TTN: variants seen among roughly 807,000 people sequenced by gnomAD.
The protein encoded by TTN is titin.
A neutral mutation model predicts 3,223.0 loss-of-function variants in TTN; 1,525 were observed. The observed-to-expected ratio is 0.47, with a 90% confidence interval of 0.45 to 0.49. The LOEUF (loss-of-function observed/expected upper bound fraction) is 0.49. Ranked by LOEUF, TTN falls within the 20% of genes least tolerant of loss-of-function variation. TTN has a pLI of 0.00. For missense variants in TTN, 40,786 were observed against 43,424.0 expected, an observed-to-expected ratio of 0.94 and a Z score of 5.40; for synonymous variants, 14,094 against 15,161.0, an observed-to-expected ratio of 0.93 and a Z score of 5.17.
chr2:178,795,964 A>G (rs991316029), intron 6 of TTN, among the ~76,000 whole-genome samples: 1 of 152,192 alleles, frequency 6.6e-6, no homozygotes, highest in Admixed American at 6.5e-5. Flanking sequence ...CTTATTTTAA[A>G]TATCTTTAGA....
chr2:178,683,159 A>G (rs373920125), intron 134 of TTN, 52 bp downstream of exon 134: 108 of 1,288,024 alleles, frequency 8.4e-5, no homozygotes, highest in Admixed American at 7.9e-5. Context: ...ACTAGAAGGC[A>G]AAGAGCCAGA....
In TTN at chr2:178,782,367, C is replaced by T; in HGVS notation, c.3225G>A (p.Gly1075=). Residue 1075 remains glycine (G), a synonymous_variant, in exon 20 of 363, where the codon GGG becomes GGA. Coordinates refer to ENST00000589042, the MANE Select transcript of TTN (RefSeq NM_001267550.2). ...TDTSLTEEQA[G]PGEPAAPYFI... ...AGTAAGGCGCGGCAGGTTCTCCAGGCCCTGCTTGTTCCTCTGTGAGGCTAG... is the reference window on the plus strand; with the variant it reads ...AGTAAGGCGCGGCAGGTTCTCCAGGTCCTGCTTGTTCCTCTGTGAGGCTAG... 6.2e-7 allele frequency: 1 copy of T among 1,614,092 alleles called. No individual in the cohort carries two copies. The highest frequency in any genetic ancestry group is 8.5e-7 in the Non-Finnish European group (1 of 1,179,988).
intron 60 of TTN, 58 bp from the exon 61 acceptor site, chr2:178,730,850 G>GTT (rs35147775): frequency 4.0e-4 from 497 of 1,253,832 alleles, no homozygotes; most frequent in South Asian, 3.4e-3. Context: ...ATTTGTTTTT[G>GTT]TTTTTTTTTT....
At position 178,679,624 on chromosome 2, in the gene TTN, C is replaced by T. The variant is rs2154269837; in HGVS notation, c.33639G>A (p.Lys11213=). The T allele has an allele frequency of 6.2e-7, 1 of 1,611,796 alleles. No homozygotes were observed. Among genetic ancestry groups the T allele is most frequent in the South Asian group, 1.1e-5 (1 of 90,596 alleles). Residue 11213 remains lysine, a synonymous_variant, in exon 141 of 363, where the codon AAG becomes AAA. Coordinates refer to ENST00000589042, the MANE Select transcript of TTN (RefSeq NM_001267550.2). ...PEEKKPVPVP[K]KKEAPPAKVP... ...CTTTTGCCGGTGGAGCTTCCTTCTT[C>T]TTGGGAACAGGAACAGGTTTCTTCT...
At chr2:178,693,570 T>G in intron 119 of TTN, 39 bp downstream of exon 119, 2 of 1,405,830 alleles carry the variant, frequency 1.4e-6, no homozygotes, top group East Asian at 2.4e-5. Context: ...GTACTAATTT[T>G]TATTAAAAGA....
intron 219 of TTN, 145 bp from the exon 220 acceptor site, chr2:178,641,460 G>A (rs954900906): frequency 8.2e-6 from 4 of 488,470 alleles, no homozygotes; most frequent in Non-Finnish European, 1.4e-5. Flanking sequence ...CATTTACACC[G>A]AAAGTGTTTT....
intron 41 of TTN, among the ~76,000 whole-genome samples, chr2:178,765,596 G>A (rs565988991): frequency 6.6e-6 from 1 of 152,308 alleles, no homozygotes; most frequent in East Asian, 1.9e-4. Flanking sequence ...CCTAGGGAAT[G>A]CTGGCGATAT....
In TTN at chr2:178,534,542, C is replaced by A; in HGVS notation, c.102073G>T (p.Glu34025Ter). 1 of 1,613,818 alleles carries A rather than the reference C, an allele frequency of 6.2e-7. No homozygotes were observed. The highest frequency in any genetic ancestry group is 1.1e-5 in the South Asian group (1 of 91,030). The part of the protein sequence containing the change: ...FLAETNQQII[E>*]NIMNAEYTFD... ...GTATATTCAGCATTCATGATATTCT[C>A]AATGATCTGTTGGTTAGTTTCAGCC... is the stretch of plus-strand genomic sequence containing the variant. The change falls in exon 358 of 363, where the codon GAG becomes TAG. Residue 34025 changes from glutamate to a stop codon, truncating the protein, a stop_gained. Coordinates refer to ENST00000589042, the MANE Select transcript of TTN (RefSeq NM_001267550.2). LOFTEE classifies it high-confidence loss of function.
intron 159 of TTN, among the ~76,000 whole-genome samples, chr2:178,668,827 G>T (rs1321449828): frequency 1.3e-5 from 2 of 150,390 alleles, no homozygotes; most frequent in African/African-American, 4.9e-5. Flanking sequence ...TTTACTATTT[G>T]GATTATTTCA....
intron 250 of TTN, 169 bp from the exon 251 acceptor site, chr2:178,619,022 T>C: frequency 1.1e-6 from 1 of 897,654 alleles, no homozygotes. Flanking sequence ...AGCTTTTTGT[T>C]GTTGTTGTGC....
chr2:178,770,724 A>G, intron 34 of TTN, 49 bp from the exon 35 acceptor site: 1 of 1,591,848 alleles, frequency 6.3e-7, no homozygotes, highest in Non-Finnish European at 8.5e-7. Flanking sequence ...GACATCATCA[A>G]GGAAAAGAAG....
At chr2:178,757,471 ACT>A in intron 45 of TTN, 69 bp downstream of exon 45, 1 of 1,467,090 alleles carries the variant, frequency 6.8e-7, no homozygotes, top group Non-Finnish European at 9.0e-7. Context: ...AACAGCAGAG[ACT>A]CTCATTAGTA....
intron 42 of TTN, 70 bp downstream of exon 42, chr2:178,764,457 T>C: frequency 6.2e-7 from 1 of 1,612,378 alleles, no homozygotes; most frequent in Non-Finnish European, 8.5e-7. Context: ...TATTTTTAAA[T>C]GCACTGGGAA....
At position 178,549,982 on chromosome 2, in the gene TTN, G is replaced by T. The variant is rs747427420; in HGVS notation, c.91852+4C>A. 10 of 1,598,270 alleles carry T rather than the reference G, an allele frequency of 6.3e-6. No individual in the cohort carries two copies. The highest frequency in any genetic ancestry group is 1.7e-5 in the Admixed American group (1 of 58,708). On this transcript the variant is annotated splice_donor_region_variant and intron_variant, in intron 337 of 362. Transcript: ENST00000589042. ...GTAGCATTAAGAAGCTATTTTAAAA[G>T]TACCTTGTACTTTCACTTTAATTTC...
chr2:178,727,479 T>C, intron 68 of TTN, 106 bp downstream of exon 68: 1 of 1,502,084 alleles, frequency 6.7e-7, no homozygotes, highest in Non-Finnish European at 8.9e-7. Context: ...CTGTTTACTA[T>C]GTTAGAAAGA....
In TTN at chr2:178,582,567, A is replaced by G. The variant is rs2154178277; in HGVS notation, c.65889T>C (p.Val21963=). 2 of 1,610,502 alleles carry G rather than the reference A, an allele frequency of 1.2e-6. No individual in the cohort carries two copies. Among genetic ancestry groups the G allele is most frequent in the Non-Finnish European group, 1.7e-6 (2 of 1,177,682 alleles). ...GATCTGAATACATTTTGTTGATTTT[A>G]ACAGATGCTGGAGGACCCGGTTTAT... The part of the protein sequence containing the change: ...VLDKPGPPAS[V]KINKMYSDRA... The change falls in exon 314 of 363, where the codon GTT becomes GTC. Residue 21963 remains valine, a synonymous_variant. Coordinates refer to ENST00000589042, the MANE Select transcript of TTN (RefSeq NM_001267550.2).
chr2:178,721,188 C>G lies in TTN; in HGVS notation c.22831G>C (p.Val7611Leu). ...ACTTTTGAAGCTTCTAATTTCTTAA[C>G]AAACTTTGGAGGTTCTAGTAAACCA... ...QLSVKEPPKF[V>L]KKLEASKVAK... The change falls in exon 79 of 363, where the codon GTT becomes CTT. Residue 7611 changes from valine to leucine, a missense_variant. By Grantham distance (32) the Val-to-Leu change is conservative. Coordinates refer to ENST00000589042, the MANE Select transcript of TTN (RefSeq NM_001267550.2). 1 of 1,597,922 alleles carries G rather than the reference C, an allele frequency of 6.3e-7. No individual in the cohort carries two copies. Among genetic ancestry groups the G allele is most frequent in the Non-Finnish European group, 8.6e-7 (1 of 1,169,440 alleles).
rs115760930 is a variant in TTN at position 178,706,829 on chromosome 2, G to C, written c.29134+33C>G. On this transcript the variant is annotated intron_variant, in intron 101 of 362. Transcript: ENST00000589042. ...AATCATAAGTAAAAGGTATAAGATA[G>C]ATGAAGATGTACTTCTCATGAAGTG... The C allele has an allele frequency of 9.6e-4, 1,539 of 1,609,298 alleles. 22 individuals are homozygous for C. The African/African-American group carries it at 0.018, about 19-fold the overall frequency.
In TTN at chr2:178,589,219, G is replaced by T. The variant is rs757231565; in HGVS notation, c.62506C>A (p.Arg20836=). 7 of 1,613,436 alleles carry T rather than the reference G, an allele frequency of 4.3e-6. No individual in the cohort carries two copies. Among genetic ancestry groups the T allele is most frequent in the Non-Finnish European group, 5.1e-6 (6 of 1,179,596 alleles). The change falls in exon 304 of 363, where the codon CGA becomes AGA. Residue 20836 remains arginine, a synonymous_variant. Transcript: ENST00000589042. The stretch of plus-strand genomic sequence containing the variant: ...ACTACATATTTACCCCCATCACTTC[G>T]CTTTGCTTTAGTAAGAGAAAATTTA... The part of the protein sequence containing the change: ...SSKFSLTKAK[R]SDGGKYVVTA...
Sources: allele counts gnomAD v4.1 joint callset (sites outside exome capture counted in the v4.1 genomes callset), GRCh38; gene constraint gnomAD v4.1.1; transcripts MANE v1.5; gene names NCBI Gene and HGNC (gene_info 2026-07-23, HGNC 2026-07-21).